DPP10: variants seen among roughly 807,000 people sequenced by gnomAD.
DPP10 encodes dipeptidyl peptidase like 10.
A neutral mutation model predicts 120.9 loss-of-function variants in DPP10; 33 were observed. The observed-to-expected ratio is 0.27, with a 90% CI of 0.21 to 0.37. DPP10 has a LOEUF of 0.37. DPP10 is among the 10% of genes least tolerant of loss of function. The pLI is 1.00. For synonymous variants in DPP10, 337 were observed against 326.1 expected (o/e 1.03, Z -0.36); for missense variants, 816 against 942.8 (o/e 0.87, Z 1.76).
chr2:114,451,144 G>A (rs896760774), intron 1 of DPP10, among the ~76,000 whole-genome samples: 1 of 151,868 alleles, frequency 6.6e-6, no homozygotes, highest in African/African-American at 2.4e-5. Flanking sequence ...ACAATGCAAG[G>A]CAGGCATTTT....
intron 1 of DPP10, among the ~76,000 whole-genome samples, chr2:115,155,970 C>T (rs941848318): frequency 1.3e-5 from 2 of 152,016 alleles, no homozygotes; most frequent in African/African-American, 4.8e-5. Context: ...AGATCTGTGA[C>T]TTTAGTAAAT....
At chr2:115,197,848 A>G (rs1156991674) in intron 1 of DPP10, among the ~76,000 whole-genome samples, 1 of 152,202 alleles carries the variant, frequency 6.6e-6, no homozygotes, top group Non-Finnish European at 1.5e-5. Context: ...ATTTAATTAG[A>G]TAAACTACCT....
chr2:115,791,368 A>G lies in DPP10; in HGVS notation c.1700+12A>G, dbSNP rs1274096942. On this transcript the variant is annotated intron_variant, in intron 19 of 25. Transcript: ENST00000410059. ...CTTCTGTTAATAATGTAAGTATTTT[A>G]TTTGTTTTTAAAATAAAGGAATCTA... The G allele has an allele frequency of 2.5e-6, 4 of 1,576,288 alleles. No homozygotes were observed. Among genetic ancestry groups the G allele is most frequent in the Non-Finnish European group, 3.4e-6 (4 of 1,165,036 alleles).
chr2:115,502,268 T>TA (rs763063728), intron 4 of DPP10, among the ~76,000 whole-genome samples: 127 of 152,232 alleles, frequency 8.3e-4, no homozygotes, highest in Non-Finnish European at 1.5e-3. Flanking sequence ...GTTGCCAAAA[T>TA]AAAAAATACT....
chr2:115,752,769 A>G (rs1678910344), intron 10 of DPP10, among the ~76,000 whole-genome samples: 1 of 151,676 alleles, frequency 6.6e-6, no homozygotes, highest in Admixed American at 6.6e-5. Context: ...TTTTAAAGAA[A>G]AAAATAACAT....
intron 1 of DPP10, among the ~76,000 whole-genome samples, chr2:114,943,062 C>A (rs1007244079): frequency 2.6e-5 from 4 of 152,052 alleles, no homozygotes; most frequent in Non-Finnish European, 2.9e-5. Context: ...CCTCCACCCC[C>A]CAGCAGGCCC....
intron 1 of DPP10, among the ~76,000 whole-genome samples, chr2:114,914,792 T>A (rs561479666): frequency 6.6e-6 from 1 of 152,258 alleles, no homozygotes; most frequent in East Asian, 1.9e-4. Context: ...CTGTATGCTA[T>A]CTTCAAGAGA....
intron 1 of DPP10, among the ~76,000 whole-genome samples, chr2:114,599,793 A>G (rs966674040): frequency 6.6e-6 from 1 of 151,770 alleles, no homozygotes; most frequent in Admixed American, 6.6e-5. Flanking sequence ...TAAACTTTAT[A>G]GTCAGCTTTT....
intron 3 of DPP10, among the ~76,000 whole-genome samples, chr2:115,402,688 G>A (rs564635954): frequency 1.7e-4 from 25 of 150,174 alleles, no homozygotes; most frequent in African/African-American, 5.4e-4. Flanking sequence ...AGGACTGGAC[G>A]GCTTCACTGC....
chr2:114,768,103 G>A (rs1173768472), intron 1 of DPP10, among the ~76,000 whole-genome samples: 5 of 147,256 alleles, frequency 3.4e-5, no homozygotes, highest in Admixed American at 6.8e-5. Context: ...ACTCCAGGTC[G>A]GACGACAGAA....
chr2:115,092,957 T>G (rs1559085386), intron 1 of DPP10, among the ~76,000 whole-genome samples: 1 of 152,156 alleles, frequency 6.6e-6, no homozygotes, highest in Non-Finnish European at 1.5e-5. Context: ...CCTAAAATTC[T>G]GTTGTAGAAG....
intron 1 of DPP10, among the ~76,000 whole-genome samples, chr2:115,241,731 A>G (rs1288133561): frequency 6.6e-6 from 1 of 152,190 alleles, no homozygotes; most frequent in African/African-American, 2.4e-5. Context: ...ACAGAAACAC[A>G]TCTTACTTTT....
intron 3 of DPP10, among the ~76,000 whole-genome samples, chr2:115,402,967 A>G (rs922921170): frequency 2.2e-4 from 32 of 145,770 alleles, no homozygotes; most frequent in Admixed American, 7.6e-4. Flanking sequence ...ATATATATGT[A>G]TATATATATG....
intron 5 of DPP10, among the ~76,000 whole-genome samples, chr2:115,559,639 G>A (rs1244229922): frequency 6.6e-6 from 1 of 151,980 alleles, no homozygotes; most frequent in Non-Finnish European, 1.5e-5. Flanking sequence ...TTATTAGTTT[G>A]TGGTTTGTAT....
intron 1 of DPP10, chr2:115,144,728 A>G (rs2051127116): frequency 6.6e-6 from 1 of 150,978 alleles, no homozygotes; most frequent in Non-Finnish European, 1.5e-5. Flanking sequence ...TGACGAGTTA[A>G]TGGGTGCAGC....
At chr2:114,636,399 T>C (rs1483678909) in intron 1 of DPP10, among the ~76,000 whole-genome samples, 1 of 151,980 alleles carries the variant, frequency 6.6e-6, no homozygotes, top group Non-Finnish European at 1.5e-5. Flanking sequence ...AAAAATACCT[T>C]GATTGCTGGA....
intron 1 of DPP10, chr2:114,707,247 A>T (rs993988934): frequency 3.3e-5 from 5 of 152,206 alleles, no homozygotes; most frequent in Admixed American, 1.3e-4. Flanking sequence ...CTAAGAATGC[A>T]TTAGTAATAG....
chr2:115,184,163 G>A (rs2054271146), intron 1 of DPP10, among the ~76,000 whole-genome samples: 1 of 152,148 alleles, frequency 6.6e-6, no homozygotes, highest in African/African-American at 2.4e-5. Context: ...ACCCCACAAG[G>A]TAGGGCCTGA....
At chr2:115,201,792 G>T (rs539164488) in intron 1 of DPP10, among the ~76,000 whole-genome samples, 24 of 152,132 alleles carry the variant, frequency 1.6e-4, no homozygotes, top group African/African-American at 5.8e-4. Context: ...GGCTTTATGT[G>T]TCCTCAAGAG....
Sources: allele counts gnomAD v4.1 joint callset (sites outside exome capture counted in the v4.1 genomes callset), GRCh38; gene constraint gnomAD v4.1.1; transcripts MANE v1.5; gene names NCBI Gene and HGNC (gene_info 2026-07-23, HGNC 2026-07-21).